Variants in FAM184B observed in about 807,000 individuals in gnomAD.
The protein encoded by FAM184B is protein FAM184B.
A neutral mutation model predicts 135.9 loss-of-function variants in FAM184B; 111 were observed. The observed-to-expected ratio is 0.82, with a 90% CI of 0.70 to 0.96. The LOEUF (loss-of-function observed/expected upper bound fraction) is 0.96, where lower values mean the gene tolerates loss of function less well. Among genes scored for constraint, FAM184B ranks in the 40% least tolerant of loss-of-function variants. FAM184B has a pLI of 0.00. For synonymous variants in FAM184B, 552 were observed against 524.8 expected, an observed-to-expected ratio of 1.05 and a Z score of -0.71; for missense variants, 1,375 against 1,323.9, an observed-to-expected ratio of 1.04 and a Z score of -0.60.
intron 1 of FAM184B, among the ~76,000 whole-genome samples, chr4:17,763,084 AG>A (rs1216904515): frequency 6.6e-6 from 1 of 152,120 alleles, no homozygotes; most frequent in Non-Finnish European, 1.5e-5. Flanking sequence ...TTCATTTCTT[AG>A]TGCCCATTTT....
At chr4:17,748,019 G>T (rs1718210774) in intron 1 of FAM184B, among the ~76,000 whole-genome samples, 1 of 139,680 alleles carries the variant, frequency 7.2e-6, no homozygotes, top group African/African-American at 2.7e-5. Context: ...CAGGAGAATC[G>T]CTTAAACCCG....
At position 17,632,542 on chromosome 4, in the gene FAM184B, A is replaced by G; in HGVS notation, c.3173T>C (p.Phe1058Ser). 1 of 1,550,826 alleles carries G rather than the reference A, an allele frequency of 6.4e-7. No individual in the cohort carries two copies. Among genetic ancestry groups the G allele is most frequent in the Non-Finnish European group, 8.7e-7 (1 of 1,146,340 alleles). ...ATCCCAAAGGTTAGCTTAGAAAGAA[A>G]AGTACTTGGTGAACCATTCCTGGTG... The part of the protein sequence containing the change: ...SPHQEWFTKY[F>S]SF Residue 1058 changes from phenylalanine to serine, a missense_variant, in exon 18 of 18, where the codon TTT becomes TCT. By Grantham distance (155) the Phe-to-Ser change is radical (BLOSUM62 -2). Transcript: ENST00000265018.
At chr4:17,681,666 A>C (rs758150457) in intron 7 of FAM184B, among the ~76,000 whole-genome samples, 1 of 152,138 alleles carries the variant, frequency 6.6e-6, no homozygotes, top group African/African-American at 2.4e-5. Flanking sequence ...CTTGCCCAGC[A>C]AACCACTCAG....
intron 1 of FAM184B, among the ~76,000 whole-genome samples, chr4:17,724,113 A>T (rs1423715554): frequency 1.6e-5 from 1 of 62,970 alleles, no homozygotes; most frequent in Non-Finnish European, 5.7e-5. Context: ...ACAAAATCTC[A>T]CACACACACA....
chr4:17,641,997 G>T (rs28501187), intron 13 of FAM184B, 59 bp downstream of exon 13: 4 of 1,462,024 alleles, frequency 2.7e-6, no homozygotes, highest in African/African-American at 1.5e-5. Context: ...TAGGGGGAGG[G>T]GGGGTGGCGG....
At chr4:17,764,840 G>A (rs1291455206) in intron 1 of FAM184B, among the ~76,000 whole-genome samples, 1 of 152,202 alleles carries the variant, frequency 6.6e-6, no homozygotes, top group Non-Finnish European at 1.5e-5. Flanking sequence ...CAAGGCAGGA[G>A]GATCACTTGA....
At position 17,636,519 on chromosome 4, in the gene FAM184B, C is replaced by T. The variant is rs1560163311; in HGVS notation, c.2784+9G>A. 4.5e-6 allele frequency: 7 copies of T among 1,547,288 alleles called. No individual in the cohort carries two copies. Among genetic ancestry groups the T allele is most frequent in the Admixed American group, 2.0e-5 (1 of 50,972 alleles). ...GGTGCGTGGGTGAGGCGCCCCCTGA[C>T]AGCCTCACCGTGAGCTGCTTGATGA... is the stretch of plus-strand genomic sequence containing the variant. On this transcript the variant is annotated intron_variant, in intron 15 of 17. Transcript: ENST00000265018.
intron 8 of FAM184B, 127 bp from the exon 9 acceptor site, chr4:17,660,214 A>C: frequency 1.7e-6 from 2 of 1,149,196 alleles, no homozygotes; most frequent in Non-Finnish European, 2.4e-6. Flanking sequence ...GGGGATTAGA[A>C]ACATCTTGCT....
chr4:17,741,188 T>A (rs558926728), intron 1 of FAM184B, among the ~76,000 whole-genome samples: 9 of 152,246 alleles, frequency 5.9e-5, no homozygotes, highest in African/African-American at 2.2e-4. Context: ...CTGACAAACA[T>A]ATTAAATGAG....
chr4:17,739,615 G>A (rs1418944813), intron 1 of FAM184B, among the ~76,000 whole-genome samples: 2 of 130,554 alleles, frequency 1.5e-5, no homozygotes, highest in African/African-American at 5.9e-5. Context: ...GTGCAGTGGC[G>A]CCATCTTGGC....
chr4:17,693,270 C>T (rs918019236), intron 6 of FAM184B, 32 bp downstream of exon 6: 5 of 1,499,268 alleles, frequency 3.3e-6, no homozygotes, highest in Admixed American at 4.0e-5. Flanking sequence ...CCAGAAACAG[C>T]ACCCCAAGGC....
At chr4:17,682,014 T>C (rs925418093) in intron 7 of FAM184B, among the ~76,000 whole-genome samples, 1 of 152,222 alleles carries the variant, frequency 6.6e-6, no homozygotes, top group Non-Finnish European at 1.5e-5. Flanking sequence ...AGGATCAAGA[T>C]TGGGCCTCAT....
chr4:17,728,811 C>T (rs1039885206), intron 1 of FAM184B, among the ~76,000 whole-genome samples: 1 of 152,140 alleles, frequency 6.6e-6, no homozygotes, highest in Non-Finnish European at 1.5e-5. Flanking sequence ...TCTACAGCTC[C>T]CAGCGTGAGC....
At chr4:17,694,854 G>T (rs4515155) in intron 5 of FAM184B, among the ~76,000 whole-genome samples, 92,918 of 151,896 alleles carry the variant, frequency 0.61, 28,989 homozygotes, top group East Asian at 0.93. Context: ...GCTGGGAGGG[G>T]GCTCTGCAGT....
chr4:17,696,248 G>A (rs1034448550), intron 5 of FAM184B, among the ~76,000 whole-genome samples: 1 of 152,218 alleles, frequency 6.6e-6, no homozygotes, highest in Admixed American at 6.5e-5. Flanking sequence ...TTTGAACTCA[G>A]GAAAGCCTGA....
chr4:17,704,508 G>A (rs1456019813), intron 5 of FAM184B, among the ~76,000 whole-genome samples: 1 of 152,164 alleles, frequency 6.6e-6, no homozygotes, highest in Non-Finnish European at 1.5e-5. Flanking sequence ...ACTCTACAAG[G>A]TGCTATTATT....
chr4:17,754,641 A>C (rs1718380880), intron 1 of FAM184B, among the ~76,000 whole-genome samples: 1 of 152,022 alleles, frequency 6.6e-6, no homozygotes, highest in African/African-American at 2.4e-5. Context: ...GGTGGAATAG[A>C]ACCTAAAGGT....
intron 1 of FAM184B, among the ~76,000 whole-genome samples, chr4:17,741,549 CT>C (rs1370673477): frequency 6.6e-6 from 1 of 152,150 alleles, no homozygotes; most frequent in Admixed American, 6.5e-5. Context: ...CAAAAAGTAG[CT>C]GGGCGTGGTG....
At chr4:17,646,689 C>G (rs1715476816) in intron 12 of FAM184B, among the ~76,000 whole-genome samples, 1 of 152,082 alleles carries the variant, frequency 6.6e-6, no homozygotes, top group African/African-American at 2.4e-5. Context: ...TGTAACAAAC[C>G]TGCACATTGT....
Sources: gnomAD v4.1 joint callset for allele counts (sites outside exome capture counted in the v4.1 genomes callset) on GRCh38, gnomAD v4.1.1 for gene constraint, MANE v1.5 for transcripts, NCBI Gene and HGNC (gene_info 2026-07-23, HGNC 2026-07-21) for gene names.